The following MVP variants were observed in gnomAD, a reference collection of about 807,000 sequenced individuals.
The protein encoded by MVP is lung resistance-related protein.
MVP carries 62 observed loss-of-function variants against 83.5 expected under a neutral mutation model. That is an observed-to-expected ratio of 0.74 (90% confidence interval 0.61 to 0.92). The LOEUF (loss-of-function observed/expected upper bound fraction) is 0.92. Ranked by LOEUF, MVP falls within the 40% of genes least tolerant of loss-of-function variation. The pLI is 0.00. For missense variants in MVP, 1,000 were observed against 1,203.4 expected (o/e 0.83, Z 2.50); for synonymous variants, 505 against 504.1 (o/e 1.00, Z -0.02).
chr16:29,847,814 C>G lies in MVP; in HGVS notation c.2507C>G (p.Ser836Cys). The G allele has an allele frequency of 6.2e-7, 1 of 1,614,226 alleles. No individual in the cohort carries two copies. ...AAATCAACCCTCATCACCGATGGCTCCACTCCCATCAACCTCTTCAACACA... is the reference window on the plus strand; with the variant it reads ...AAATCAACCCTCATCACCGATGGCTGCACTCCCATCAACCTCTTCAACACA... ...GLKSTLITDG[S>C]TPINLFNTAF... Residue 836 changes from serine to cysteine, a missense_variant, in exon 15 of 15, where the codon TCC becomes TGC. Coordinates refer to ENST00000357402, the MANE Select transcript of MVP (RefSeq NM_005115.5).
intron 1 of MVP, among the ~76,000 whole-genome samples, chr16:29,822,160 CAG>C (rs1446486550): frequency 6.7e-6 from 1 of 148,894 alleles, no homozygotes; most frequent in Admixed American, 6.7e-5. Flanking sequence ...TGATGAAGAT[CAG>C]GGGTGCTGAA....
chr16:29,840,234 T>A lies in MVP; in HGVS notation c.966T>A (p.Asp322Glu). The change falls in exon 8 of 15, where the codon GAT becomes GAA. Residue 322 changes from aspartate to glutamate, a missense_variant. By Grantham distance (45) the Asp-to-Glu change is conservative. Coordinates refer to ENST00000357402, the MANE Select transcript of MVP (RefSeq NM_005115.5). ...AGCAGCTGGAACAAGGCATCCAGGA[T>A]GTGTATGTGCTGTCGGAGCAGCAGG... ...PGEQLEQGIQ[D>E]VYVLSEQQGL... The A allele has an allele frequency of 1.9e-6, 3 of 1,613,670 alleles. No individual in the cohort carries two copies. The highest frequency in any genetic ancestry group is 1.1e-5 in the South Asian group (1 of 91,050).
At chr16:29,846,119 C>T (rs777895242) in intron 12 of MVP, 39 bp from the exon 13 acceptor site, 10 of 1,600,746 alleles carry the variant, frequency 6.2e-6, no homozygotes, top group Non-Finnish European at 7.7e-6. Context: ...GGGGACTGGG[C>T]TGTCTCCCGG....
chr16:29,844,458 AG>A (rs757227512), intron 10 of MVP, 34 bp from the exon 11 acceptor site: 2 of 1,517,360 alleles, frequency 1.3e-6, no homozygotes, highest in African/African-American at 2.8e-5. Flanking sequence ...CCTGGGTGAA[AG>A]CAGCTTCCCC....
intron 1 of MVP, among the ~76,000 whole-genome samples, chr16:29,827,837 G>C (rs8059069): frequency 2.6e-5 from 4 of 152,070 alleles, no homozygotes; most frequent in Non-Finnish European, 2.9e-5. Context: ...GATCACTTGA[G>C]CCTGGAGGTT....
chr16:29,830,912 C>A lies in MVP; in HGVS notation c.160C>A (p.Pro54Thr). Residue 54 changes from proline (P) to threonine (T), a missense_variant, in exon 3 of 15, where the codon CCC becomes ACC. Transcript: ENST00000357402. ...TGCCCCCATGCGCATGGTGACCGTC[C>A]CCCCACGTCACTACTGCACAGTGGC... is the stretch of plus-strand genomic sequence containing the variant. ...LFAPMRMVTV[P>T]PRHYCTVANP... 6.2e-7 allele frequency: 1 copy of A among 1,613,410 alleles called. No homozygotes were observed. The highest frequency in any genetic ancestry group is 8.5e-7 in the Non-Finnish European group (1 of 1,179,476).
At chr16:29,843,952 G>A (rs1254874048) in intron 10 of MVP, among the ~76,000 whole-genome samples, 1 of 152,152 alleles carries the variant, frequency 6.6e-6, no homozygotes, top group African/African-American at 2.4e-5. Context: ...GCTGAGAGCA[G>A]CCAGTGCCCT....
At position 29,833,717 on chromosome 16, in the gene MVP, C is replaced by A. The variant is rs1207064392; in HGVS notation, c.322-16C>A. Reference sequence around the variant, plus strand: ...CAGCACTGATGGTTCTGTGTCTCCACCTTCTTCCCCACTAGGACATCACAC... The same window carrying A: ...CAGCACTGATGGTTCTGTGTCTCCAACTTCTTCCCCACTAGGACATCACAC... On this transcript the variant is annotated splice_polypyrimidine_tract_variant and intron_variant, in intron 3 of 14. Transcript: ENST00000357402. 5 of 1,613,808 alleles carry A rather than the reference C, an allele frequency of 3.1e-6. 1 individual carries two copies. In the South Asian group the frequency reaches 4.4e-5, roughly 14 times the overall value.
rs1369942204 is a variant in MVP at position 29,833,917 on chromosome 16, A to T, written c.446-18A>T. 1 of 1,613,904 alleles carries T rather than the reference A, an allele frequency of 6.2e-7. No homozygotes were observed. The highest frequency in any genetic ancestry group is 8.5e-7 in the Non-Finnish European group (1 of 1,180,000). On this transcript the variant is annotated intron_variant, in intron 4 of 14. Coordinates refer to ENST00000357402, the MANE Select transcript of MVP (RefSeq NM_005115.5). ...GTCATAGCCCTGATACCTTCTGACC[A>T]TCACCTTCCCTCCCCAGGCACGTAC... is the stretch of plus-strand genomic sequence containing the variant.
chr16:29,830,468 C>A, intron 1 of MVP, 47 bp from the exon 2 acceptor site: 16 of 1,537,260 alleles, frequency 1.0e-5, no homozygotes, highest in Non-Finnish European at 1.4e-5. Context: ...GCCTGCCCCA[C>A]CCCAGGCTCC....
At position 29,845,901 on chromosome 16, in the gene MVP, G is replaced by A. The variant is rs781701976; in HGVS notation, c.2060G>A (p.Arg687Gln). The A allele has an allele frequency of 1.6e-5, 26 of 1,613,992 alleles. No homozygotes were observed. Among genetic ancestry groups the A allele is most frequent in the African/African-American group, 2.7e-5 (2 of 74,934 alleles). ...AGACTGGAGCAGGAAGCCCGCGGCC[G>A]GCTTGAGCGGCAGAAGATCCTGGAC... is the stretch of plus-strand genomic sequence containing the variant. Reference protein sequence around the residue: ...AQRLEQEARGRLERQKILDQS... With the variant: ...AQRLEQEARGQLERQKILDQS... Residue 687 changes from arginine (R) to glutamine (Q), a missense_variant, in exon 12 of 15, where the codon CGG becomes CAG. Transcript: ENST00000357402.
rs1329910680 is a variant in MVP, at chr16:29,830,926, C to T, written c.174C>T (p.Tyr58=). ...MRMVTVPPRH[Y]CTVANPVSRD... ...TGGTGACCGTCCCCCCACGTCACTA[C>T]TGCACAGTGGCCAACCCTGTGTCTC... The change falls in exon 3 of 15, where the codon TAC becomes TAT. Residue 58 remains tyrosine, a synonymous_variant. Transcript: ENST00000357402. The T allele has an allele frequency of 6.2e-7, 1 of 1,614,100 alleles. No individual in the cohort carries two copies. The highest frequency in any genetic ancestry group is 2.2e-5 in the East Asian group (1 of 44,872).
chr16:29,830,516 C>A lies in MVP; in HGVS notation c.-34C>A. ...TGTGTCGTCTCCCCCACCTACCAGT[C>A]ATCTTCTTGTGAGCCCTGGGCTTAG... On this transcript the variant is annotated splice_region_variant and 5_prime_UTR_variant, in exon 2 of 15. Transcript: ENST00000357402. The A allele has an allele frequency of 1.2e-6, 2 of 1,610,384 alleles. No individual in the cohort carries two copies. The highest frequency in any genetic ancestry group is 1.1e-5 in the South Asian group (1 of 90,554).
chr16:29,846,278 T>C lies in MVP; in HGVS notation c.2259T>C (p.Ile753=), dbSNP rs1220117453. Residue 753 remains isoleucine (I), a synonymous_variant, in exon 13 of 15, where the codon ATT becomes ATC. Coordinates refer to ENST00000357402, the MANE Select transcript of MVP (RefSeq NM_005115.5). ...QAKLKAQALA[I]ETEAELQRVQ... is the part of the protein sequence containing the mutation. ...AGCTAAAAGCACAGGCCTTGGCCAT[T>C]GAAACGGTGAGTGGGGGGAGGCATT... 6.4e-7 allele frequency: 1 copy of C among 1,561,956 alleles called. No individual in the cohort carries two copies. Among genetic ancestry groups the C allele is most frequent in the Admixed American group, 1.9e-5 (1 of 51,866 alleles).
chr16:29,823,454 C>T (rs1333293355), intron 1 of MVP, among the ~76,000 whole-genome samples: 1 of 152,014 alleles, frequency 6.6e-6, no homozygotes, highest in African/African-American at 2.4e-5. Flanking sequence ...TCTCACTTCA[C>T]TGGAGAGGAA....
chr16:29,835,728 T>A lies in MVP; in HGVS notation c.602T>A (p.Val201Glu). Reference sequence around the variant, plus strand: ...GGGGAAGAATGGCTGGTCACCACAGTAGGGGCGTACCTCCCAGCGGTGTTT... The same window carrying A: ...GGGGAAGAATGGCTGGTCACCACAGAAGGGGCGTACCTCCCAGCGGTGTTT... ...VTGEEWLVTT[V>E]GAYLPAVFEE... Residue 201 changes from valine (V) to glutamate (E), a missense_variant, in exon 6 of 15, where the codon GTA becomes GAA. Coordinates refer to ENST00000357402, the MANE Select transcript of MVP (RefSeq NM_005115.5). 6.2e-7 allele frequency: 1 copy of A among 1,613,526 alleles called. No individual in the cohort carries two copies. Among genetic ancestry groups the A allele is most frequent in the South Asian group, 1.1e-5 (1 of 91,032 alleles).
intron 1 of MVP, among the ~76,000 whole-genome samples, chr16:29,828,020 G>A (rs1446396530): frequency 2.0e-5 from 3 of 152,142 alleles, no homozygotes; most frequent in Non-Finnish European, 4.4e-5. Context: ...TAGTGCAATG[G>A]CGAGATCTTG....
At chr16:29,828,872 TCA>T (rs1290949343) in intron 1 of MVP, among the ~76,000 whole-genome samples, 1 of 152,132 alleles carries the variant, frequency 6.6e-6, no homozygotes, top group Non-Finnish European at 1.5e-5. Context: ...TTGTGAAGAC[TCA>T]CAATTTCTAA....
intron 1 of MVP, among the ~76,000 whole-genome samples, chr16:29,823,530 T>C (rs1231875504): frequency 6.6e-6 from 1 of 151,924 alleles, no homozygotes; most frequent in South Asian, 2.1e-4. Flanking sequence ...GAGTGACATT[T>C]TCCCACTGGC....
Sources: allele counts gnomAD v4.1 joint callset (sites outside exome capture counted in the v4.1 genomes callset), GRCh38; gene constraint gnomAD v4.1.1; transcripts MANE v1.5; gene names NCBI Gene and HGNC (gene_info 2026-07-23, HGNC 2026-07-21).